Variants in ARHGAP6 observed in about 807,000 individuals in gnomAD.
ARHGAP6 encodes the protein rho GTPase-activating protein 6.
A neutral mutation model predicts 55.7 loss-of-function variants in ARHGAP6; 16 were observed. The observed-to-expected ratio is 0.29, with a 90% CI of 0.19 to 0.44. ARHGAP6 has a LOEUF of 0.44. ARHGAP6 is among the 20% of genes least tolerant of loss of function. ARHGAP6 has a pLI of 1.00. For missense variants in ARHGAP6, 698 were observed against 808.9 expected (o/e 0.86, Z 1.66); for synonymous variants, 382 against 360.9 (o/e 1.06, Z -0.66).
chrX:11,157,059 A>G (rs1224127206), intron 9 of ARHGAP6, among the ~76,000 whole-genome samples: 1 of 112,289 alleles, frequency 8.9e-6, no homozygotes, highest in Non-Finnish European at 1.9e-5. Context: ...TCTGGAATAT[A>G]TGATCAGTTT....
At chrX:11,387,447 A>T (rs2049342139) in intron 1 of ARHGAP6, among the ~76,000 whole-genome samples, 1 of 111,700 alleles carries the variant, frequency 9.0e-6, no homozygotes, top group Admixed American at 9.5e-5. Flanking sequence ...CACCTGAAGC[A>T]CTCCAATAAT....
intron 1 of ARHGAP6, among the ~76,000 whole-genome samples, chrX:11,359,130 C>T (rs1197381656): frequency 1.8e-5 from 2 of 111,765 alleles, no homozygotes; most frequent in Non-Finnish European, 3.8e-5. Flanking sequence ...ACCTCAGGTA[C>T]TAGGTATTAC....
intron 2 of ARHGAP6, among the ~76,000 whole-genome samples, chrX:11,234,492 GTGAA>G (rs2047173200): frequency 8.9e-6 from 1 of 112,633 alleles, no homozygotes; most frequent in Non-Finnish European, 1.9e-5. Flanking sequence ...CAAATATCAA[GTGAA>G]TGAATGAATG....
intron 1 of ARHGAP6, among the ~76,000 whole-genome samples, chrX:11,292,573 T>C (rs1414343809): frequency 9.0e-6 from 1 of 111,462 alleles, no homozygotes; most frequent in African/African-American, 3.3e-5. Flanking sequence ...CAGAAGGATA[T>C]GGGCAAAGAA....
chrX:11,633,382 A>T (rs1388730282), intron 1 of ARHGAP6, among the ~76,000 whole-genome samples: 1 of 111,421 alleles, frequency 9.0e-6, no homozygotes, highest in Non-Finnish European at 1.9e-5. Flanking sequence ...GGATCTCTTT[A>T]AACTTACCTT....
At chrX:11,435,798 G>T (rs1453117762) in intron 1 of ARHGAP6, among the ~76,000 whole-genome samples, 2 of 111,802 alleles carry the variant, frequency 1.8e-5, no homozygotes, top group Non-Finnish European at 3.8e-5. Context: ...AACAAGCAAG[G>T]ATTAGATCCA....
intron 1 of ARHGAP6, among the ~76,000 whole-genome samples, chrX:11,337,357 G>C (rs1245921917): frequency 9.0e-6 from 1 of 111,346 alleles, no homozygotes; most frequent in Non-Finnish European, 1.9e-5. Flanking sequence ...AGTACAACAA[G>C]ATGTGCACAT....
chrX:11,306,588 G>T (rs1392355031), intron 1 of ARHGAP6, among the ~76,000 whole-genome samples: 1 of 112,593 alleles, frequency 8.9e-6, no homozygotes, highest in Non-Finnish European at 1.9e-5. Flanking sequence ...ACAAATGAGG[G>T]TTTGAACTTT....
chrX:11,253,460 G>C (rs1430323829), intron 2 of ARHGAP6, among the ~76,000 whole-genome samples: 1 of 111,666 alleles, frequency 9.0e-6, no homozygotes, highest in Non-Finnish European at 1.9e-5. Context: ...GTTTCTAGAA[G>C]CTTCCTATCC....
chrX:11,319,881 T>A (rs2048409854), intron 1 of ARHGAP6, among the ~76,000 whole-genome samples: 1 of 112,482 alleles, frequency 8.9e-6, no homozygotes, highest in Non-Finnish European at 1.9e-5. Flanking sequence ...CAGCTTCATT[T>A]TGAAATTGGC....
At chrX:11,166,579 G>C (rs766085880) in intron 9 of ARHGAP6, among the ~76,000 whole-genome samples, 14 of 111,586 alleles carry the variant, frequency 1.3e-4, no homozygotes, top group Non-Finnish European at 2.1e-4. Flanking sequence ...ATGCAGATCA[G>C]CTTTGCTGAC....
chrX:11,364,596 G>C lies in ARHGAP6; in HGVS notation c.589-109889C>G, dbSNP rs2049051873. Among the ~76,000 whole-genome samples, 3 of 111,398 alleles carry C rather than the reference G, an allele frequency of 2.7e-5. No individual in the cohort carries two copies. In the Admixed American group the frequency reaches 2.9e-4, roughly 11 times the overall value. Reference sequence around the variant, plus strand: ...AGATCCTCATTATGTTTGGTCCCTTGTGGTTACACTATTCCATTTGCCAGG... The same window carrying C: ...AGATCCTCATTATGTTTGGTCCCTTCTGGTTACACTATTCCATTTGCCAGG... On this transcript the variant is annotated intron_variant, in intron 1 of 12. Coordinates refer to ENST00000337414, the MANE Select transcript of ARHGAP6 (RefSeq NM_013427.3).
chrX:11,208,110 GA>G (rs747636851), intron 2 of ARHGAP6, among the ~76,000 whole-genome samples: 3 of 111,788 alleles, frequency 2.7e-5, no homozygotes, highest in African/African-American at 9.7e-5. Context: ...CTTTCATTAA[GA>G]AACAGGGATA....
chrX:11,557,440 A>G (rs1056434347), intron 1 of ARHGAP6, among the ~76,000 whole-genome samples: 1 of 109,137 alleles, frequency 9.2e-6, no homozygotes, highest in South Asian at 4.0e-4. Context: ...AATTTTAACC[A>G]TTTGTTTCTT....
intron 1 of ARHGAP6, among the ~76,000 whole-genome samples, chrX:11,356,260 T>G (rs1198593050): frequency 9.2e-6 from 1 of 108,469 alleles, no homozygotes; most frequent in Non-Finnish European, 1.9e-5. Context: ...CCGGGGCCTG[T>G]TGGGGGTGGG....
intron 1 of ARHGAP6, among the ~76,000 whole-genome samples, chrX:11,552,600 A>ATATATATG (rs59361607): frequency 2.7e-4 from 17 of 62,573 alleles, no homozygotes; most frequent in African/African-American, 1.1e-3. Flanking sequence ...ATATATATAT[A>ATATATATG]GACACACACA....
Position 11,491,370 on chromosome X carries a change from C to A in ARHGAP6, c.588+172871G>T, listed in dbSNP as rs182580051. On this transcript the variant is annotated intron_variant, in intron 1 of 12. Coordinates refer to ENST00000337414, the MANE Select transcript of ARHGAP6 (RefSeq NM_013427.3). ...TAATGCTATCCCTCCCCACTCCCCC[C>A]ACCCCACAACAGTCCCCAGAGTGTG... Among the ~76,000 whole-genome samples the A allele has an allele frequency of 3.2e-3, 355 of 109,879 alleles. 1 individual carries two copies. Among genetic ancestry groups the A allele is most frequent in the African/African-American group, 6.4e-3 (193 of 30,166 alleles).
At chrX:11,169,264 T>C in intron 9 of ARHGAP6, 1 of 281,209 alleles carries the variant, frequency 3.6e-6, no homozygotes, top group Non-Finnish European at 6.3e-6. Flanking sequence ...AATGTGACCA[T>C]GGTTTAGAGG....
At chrX:11,227,793 C>CTTTTTTTTT (rs199899751) in intron 2 of ARHGAP6, among the ~76,000 whole-genome samples, 1 of 108,206 alleles carries the variant, frequency 9.2e-6, no homozygotes, top group African/African-American at 3.4e-5. Context: ...CTTTCTTTTT[C>CTTTTTTTTT]TTTTTTCTTT....
Sources: allele counts gnomAD v4.1 joint callset (sites outside exome capture counted in the v4.1 genomes callset), GRCh38; gene constraint gnomAD v4.1.1; transcripts MANE v1.5; gene names NCBI Gene and HGNC (gene_info 2026-07-23, HGNC 2026-07-21).